The following UBXN11 variants were observed in gnomAD, a reference collection of about 807,000 sequenced individuals.
UBXN11 encodes the protein UBX domain protein 11.
UBXN11 carries 47 observed loss-of-function variants against 62.8 expected under a neutral mutation model. The ratio of observed to expected loss-of-function variants is 0.75; its 90% CI spans 0.59 to 0.95. The LOEUF (loss-of-function observed/expected upper bound fraction) is 0.95. Ranked by LOEUF, UBXN11 falls within the 40% of genes least tolerant of loss-of-function variation. UBXN11 has a pLI of 0.00. For synonymous variants in UBXN11, 294 were observed against 267.0 expected (o/e 1.10, Z -0.99); for missense variants, 638 against 661.7 (o/e 0.96, Z 0.39).
At chr1:26,312,716 G>A (rs1056444368) in intron 1 of UBXN11, among the ~76,000 whole-genome samples, 12 of 150,698 alleles carry the variant, frequency 8.0e-5, no homozygotes, top group Admixed American at 3.3e-4. Flanking sequence ...AGTGGCTCAC[G>A]ACTGTAATCC....
At chr1:26,289,366 T>C (rs984354141) in intron 8 of UBXN11, among the ~76,000 whole-genome samples, 1 of 151,964 alleles carries the variant, frequency 6.6e-6, no homozygotes, top group Non-Finnish European at 1.5e-5. Flanking sequence ...GAAGCCTTGC[T>C]AGGAGCCACC....
intron 7 of UBXN11, 50 bp downstream of exon 7, chr1:26,296,869 G>T (rs962045865): frequency 6.4e-7 from 1 of 1,553,742 alleles, no homozygotes; most frequent in East Asian, 2.4e-5. Context: ...ATGCCGTGAA[G>T]AGCTGGGGAC....
upstream of UBXN11, among the ~76,000 whole-genome samples, chr1:26,310,586 G>A (rs1374377075): frequency 6.6e-6 from 1 of 151,050 alleles, no homozygotes; most frequent in African/African-American, 2.4e-5. Context: ...AAATTAGCAG[G>A]GCATGGTGGC....
intron 10 of UBXN11, 189 bp from the exon 11 acceptor site, chr1:26,284,671 T>G: frequency 7.4e-7 from 1 of 1,359,450 alleles, no homozygotes; most frequent in South Asian, 1.8e-5. Flanking sequence ...GCCCTGCTGC[T>G]CCTGTAAGCA....
intron 2 of UBXN11, among the ~76,000 whole-genome samples, chr1:26,302,068 C>T (rs1557689544): frequency 6.6e-6 from 1 of 152,146 alleles, no homozygotes; most frequent in Non-Finnish European, 1.5e-5. Context: ...ATCTTCTAGG[C>T]CTTAGAATGA....
In UBXN11 at chr1:26,289,821, G is replaced by A. The variant is rs12029251; in HGVS notation, c.560-3784C>T. Among the ~76,000 whole-genome samples, 73 of 152,318 alleles carry A rather than the reference G, an allele frequency of 4.8e-4. No individual in the cohort carries two copies. The East Asian group carries it at 0.01, about 21-fold the overall frequency. The stretch of plus-strand genomic sequence containing the variant: ...GCACCCCGGCAGCTCACGCGGTGCC[G>A]CCCTCCATGTGCCTGCCCTTGACCC... On this transcript the variant is annotated intron_variant, in intron 8 of 14. Transcript: ENST00000374222.
At chr1:26,284,872 TC>T in intron 10 of UBXN11, 1 of 1,013,468 alleles carries the variant, frequency 9.9e-7, no homozygotes, top group Non-Finnish European at 1.2e-6. Context: ...AGCTCCGAGG[TC>T]CCCGCTGTGG....
chr1:26,311,667 T>C (rs2073746078), intron 1 of UBXN11, among the ~76,000 whole-genome samples: 1 of 152,138 alleles, frequency 6.6e-6, no homozygotes, highest in South Asian at 2.1e-4. Context: ...GGTCTGAAAC[T>C]CCTGACCTCG....
Position 26,289,670 on chromosome 1 carries a change from CG to C in UBXN11, c.560-3634del, listed in dbSNP as rs141908159. Reference sequence around the variant, plus strand: ...CAGGCTCAGACTCAAGTGAAGAAGACGGGGCGGCAAATGGCGACAATGGCAT... The same window carrying C: ...CAGGCTCAGACTCAAGTGAAGAAGACGGGCGGCAAATGGCGACAATGGCAT... On this transcript the variant is annotated intron_variant, in intron 8 of 14. Coordinates refer to ENST00000374222, the MANE Select transcript of UBXN11 (RefSeq NM_001389556.1). Among the ~76,000 whole-genome samples, 897 of 152,270 alleles carry C rather than the reference CG, an allele frequency of 5.9e-3. 8 individuals are homozygous for C. The highest frequency in any genetic ancestry group is 0.021 in the African/African-American group (874 of 41,538).
exon 1 of UBXN11, chr1:26,318,110 A>C: frequency 4.4e-6 from 7 of 1,577,034 alleles, no homozygotes; most frequent in Non-Finnish European, 6.1e-6. Flanking sequence ...GGACTCCCCA[A>C]AGTTGCTTGG....
At chr1:26,315,783 C>G (rs953643471) in intron 1 of UBXN11, among the ~76,000 whole-genome samples, 13 of 152,316 alleles carry the variant, frequency 8.5e-5, no homozygotes, top group African/African-American at 3.1e-4. Flanking sequence ...CCTCAGCCTC[C>G]CGAGTAGCTG....
intron 1 of UBXN11, among the ~76,000 whole-genome samples, chr1:26,317,751 C>G (rs1322420917): frequency 6.6e-6 from 1 of 152,146 alleles, no homozygotes; most frequent in Non-Finnish European, 1.5e-5. Flanking sequence ...ACCGTTGCCT[C>G]TGGATTGACC....
chr1:26,287,027 C>T (rs2073148688), intron 8 of UBXN11, among the ~76,000 whole-genome samples: 1 of 152,070 alleles, frequency 6.6e-6, no homozygotes. Flanking sequence ...TTCCATTTTA[C>T]ACATGAGGAA....
Position 26,297,465 on chromosome 1 carries a change from G to C in UBXN11, c.317C>G (p.Ala106Gly). Reference protein sequence around the residue: ...EILSKDQKIAALEDLVQTLRP... With the variant: ...EILSKDQKIAGLEDLVQTLRP... ...GAGGGTCTGCACCAGGTCCTCTAGG[G>C]CCGCTATCTTCTGATCCTGTAGCAT... is the stretch of plus-strand genomic sequence containing the variant. Residue 106 changes from alanine to glycine, a missense_variant, in exon 6 of 15, where the codon GCC becomes GGC. Transcript: ENST00000374222. 1 of 1,556,346 alleles carries C rather than the reference G, an allele frequency of 6.4e-7. No homozygotes were observed.
chr1:26,303,998 C>T (rs2073602167), intron 1 of UBXN11, among the ~76,000 whole-genome samples: 1 of 152,154 alleles, frequency 6.6e-6, no homozygotes, highest in Non-Finnish European at 1.5e-5. Context: ...CTCAGGTGAT[C>T]CGCCCCCCTC....
intron 4 of UBXN11, among the ~76,000 whole-genome samples, chr1:26,300,563 A>C (rs1381185156): frequency 1.3e-5 from 2 of 152,190 alleles, no homozygotes; most frequent in Non-Finnish European, 2.9e-5. Context: ...TGCCAAGCTA[A>C]GCAGACTGTC....
intron 1 of UBXN11, chr1:26,303,175 G>A (rs908719790): frequency 3.4e-6 from 1 of 297,400 alleles, no homozygotes; most frequent in Admixed American, 4.9e-5. Context: ...GTACTGTGAG[G>A]GTGGGATGGG....
chr1:26,309,316 C>A (rs1443396910), upstream of UBXN11, among the ~76,000 whole-genome samples: 1 of 146,950 alleles, frequency 6.8e-6, no homozygotes, highest in African/African-American at 2.5e-5. Flanking sequence ...TCTCAGCTCA[C>A]TGCAATCTCC....
At chr1:26,309,590 T>G (rs2073719820), upstream of UBXN11, among the ~76,000 whole-genome samples, 1 of 152,150 alleles carries the variant, frequency 6.6e-6, no homozygotes, top group African/African-American at 2.4e-5. Context: ...AGAGCCTTAT[T>G]ATAAAAATAT....
Sources: allele counts gnomAD v4.1 joint callset (sites outside exome capture counted in the v4.1 genomes callset), GRCh38; gene constraint gnomAD v4.1.1; transcripts MANE v1.5; gene names NCBI Gene and HGNC (gene_info 2026-07-23, HGNC 2026-07-21).